Variants in KAZN observed in about 807,000 individuals in gnomAD.
The protein encoded by KAZN is kazrin, periplakin interacting protein.
KAZN carries 40 observed loss-of-function variants against 87.4 expected under a neutral mutation model. That is an observed-to-expected ratio of 0.46 (90% CI 0.36 to 0.60). KAZN has a LOEUF of 0.60. Ranked by LOEUF, KAZN falls within the 20% of genes least tolerant of loss-of-function variation. The pLI, the probability that KAZN is intolerant of heterozygous loss-of-function variation, is 0.00. For synonymous variants in KAZN, 466 were observed against 458.3 expected (o/e 1.02, Z -0.22); for missense variants, 898 against 1,073.9 (o/e 0.84, Z 2.29).
chr1:14,131,419 G>A (rs560651292), intron 1 of KAZN, among the ~76,000 whole-genome samples: 1 of 152,282 alleles, frequency 6.6e-6, no homozygotes, highest in African/African-American at 2.4e-5. Context: ...ATACGTTAGA[G>A]TTGAAATGGA....
At chr1:14,351,292 A>C (rs1658533495) in intron 2 of KAZN, among the ~76,000 whole-genome samples, 1 of 152,218 alleles carries the variant, frequency 6.6e-6, no homozygotes, top group Non-Finnish European at 1.5e-5. Flanking sequence ...CAGGCCAGGC[A>C]CTGTGGCTCA....
chr1:14,359,021 G>T (rs962717407), intron 2 of KAZN, among the ~76,000 whole-genome samples: 2 of 152,132 alleles, frequency 1.3e-5, no homozygotes, highest in African/African-American at 4.8e-5. Flanking sequence ...TGACAGTGGG[G>T]TGTTAAAGTC....
At chr1:15,072,537 G>A (rs1292994503) in intron 8 of KAZN, among the ~76,000 whole-genome samples, 1 of 152,226 alleles carries the variant, frequency 6.6e-6, no homozygotes, top group Non-Finnish European at 1.5e-5. Context: ...AGAACCCAGG[G>A]CCAGCCTGGT....
At chr1:14,702,637 T>G (rs1181112833) in intron 1 of KAZN, among the ~76,000 whole-genome samples, 1 of 152,060 alleles carries the variant, frequency 6.6e-6, no homozygotes, top group Non-Finnish European at 1.5e-5. Context: ...GTATCGTGTA[T>G]CGATAGATTA....
At chr1:15,064,809 G>T (rs904331489) in intron 7 of KAZN, among the ~76,000 whole-genome samples, 1 of 152,210 alleles carries the variant, frequency 6.6e-6, no homozygotes, top group Non-Finnish European at 1.5e-5. Context: ...GGCAGACAGG[G>T]CCTGTGGCCA....
chr1:14,929,189 G>A (rs1659516630), intron 1 of KAZN, among the ~76,000 whole-genome samples: 1 of 152,168 alleles, frequency 6.6e-6, no homozygotes, highest in Non-Finnish European at 1.5e-5. Context: ...AAGGAAGGAG[G>A]GGGAATTCCT....
In KAZN at chr1:14,512,768, T is replaced by C. The variant is rs151247759; in HGVS notation, c.250-86215T>C. Among the ~76,000 whole-genome samples the C allele has an allele frequency of 2.9e-3, 440 of 152,298 alleles. 5 individuals are homozygous for C. The South Asian group carries it at 0.038, about 13-fold the overall frequency. The stretch of plus-strand genomic sequence containing the variant: ...TTTATGAGCGAAATTAAGATGGAGA[T>C]AAAGTCAAAGAGCAGATTTTCTCAT... On this transcript the variant is annotated intron_variant, in intron 2 of 16. Transcript: ENST00000636203.
chr1:14,949,196 TTGTC>T lies in KAZN; in HGVS notation c.227-11484_227-11481del, dbSNP rs1157196637. Among the ~76,000 whole-genome samples the T allele has an allele frequency of 7.2e-6, 1 of 138,732 alleles. No homozygotes were observed. Among genetic ancestry groups the T allele is most frequent in the African/African-American group, 2.8e-5 (1 of 36,114 alleles). The allele number at this position is 138,732 out of a possible 152,430, so 91.0% of individuals were successfully genotyped here. ...AATAATAATAATAATAATAAGTAAT[TTGTC>T]TGTGGTTTTACATTAAGCAACTGAA... On this transcript the variant is annotated intron_variant, in intron 1 of 14. Coordinates refer to ENST00000376030, the MANE Select transcript of KAZN (RefSeq NM_201628.3). The surrounding 1 kb of genome is among the most constrained non-coding windows in gnomAD (Gnocchi z 4.3).
chr1:14,466,838 G>A (rs192906484), intron 2 of KAZN, among the ~76,000 whole-genome samples: 40 of 152,194 alleles, frequency 2.6e-4, no homozygotes, highest in East Asian at 7.7e-4. Context: ...TTGTGGTGGC[G>A]GGCGCCTGTG....
chr1:14,636,808 T>C (rs1265954193), intron 1 of KAZN, among the ~76,000 whole-genome samples: 1 of 152,188 alleles, frequency 6.6e-6, no homozygotes. Context: ...TGAATGAAGC[T>C]AATTTGTGAG....
chr1:14,026,448 C>T (rs2101294806), intron 1 of KAZN, among the ~76,000 whole-genome samples: 1 of 152,322 alleles, frequency 6.6e-6, no homozygotes, highest in East Asian at 1.9e-4. Context: ...CATGCATGAA[C>T]AGCTAACTTA....
intron 2 of KAZN, among the ~76,000 whole-genome samples, chr1:14,993,617 C>T (rs1336154427): frequency 6.6e-6 from 1 of 152,212 alleles, no homozygotes; most frequent in Non-Finnish European, 1.5e-5. Context: ...CCGCCGCCAC[C>T]CCCCTGCTGC....
intron 1 of KAZN, among the ~76,000 whole-genome samples, chr1:14,937,252 G>C (rs1023929441): frequency 1.8e-4 from 28 of 152,246 alleles, no homozygotes; most frequent in African/African-American, 6.8e-4. Flanking sequence ...GACCAGAGGA[G>C]AGCCTTCATC....
intron 2 of KAZN, among the ~76,000 whole-genome samples, chr1:14,327,865 T>C (rs1656553231): frequency 6.6e-6 from 1 of 152,206 alleles, no homozygotes; most frequent in Non-Finnish European, 1.5e-5. Context: ...TAATTCTGCC[T>C]ACATGAGAAT....
At chr1:14,622,204 G>C (rs559228550) in intron 1 of KAZN, among the ~76,000 whole-genome samples, 1 of 152,140 alleles carries the variant, frequency 6.6e-6, no homozygotes, top group Non-Finnish European at 1.5e-5. Context: ...AATGTTGACC[G>C]ATCCAAAGTC....
chr1:14,026,124 A>G (rs1462706738), intron 1 of KAZN, among the ~76,000 whole-genome samples: 1 of 152,194 alleles, frequency 6.6e-6, no homozygotes, highest in African/African-American at 2.4e-5. Context: ...TTAGAGATGA[A>G]GAATGATAAT....
intron 1 of KAZN, among the ~76,000 whole-genome samples, chr1:13,916,087 C>T (rs1034650579): frequency 7.2e-5 from 11 of 152,106 alleles, no homozygotes; most frequent in African/African-American, 2.4e-4. Flanking sequence ...ATGATCAGCC[C>T]CAGATGCCTT....
At chr1:14,047,737 A>G (rs1642137759) in intron 1 of KAZN, among the ~76,000 whole-genome samples, 1 of 152,060 alleles carries the variant, frequency 6.6e-6, no homozygotes, top group African/African-American at 2.4e-5. Context: ...GTGTGGTGGC[A>G]CACACCTGTA....
At chr1:14,724,275 A>G (rs1277090787) in intron 1 of KAZN, among the ~76,000 whole-genome samples, 2 of 152,218 alleles carry the variant, frequency 1.3e-5, no homozygotes, top group African/African-American at 4.8e-5. Flanking sequence ...CTGGCAGTGA[A>G]TCTGCCACAA....
Sources: gnomAD v4.1 joint callset for allele counts (sites outside exome capture counted in the v4.1 genomes callset) on GRCh38, gnomAD v4.1.1 for gene constraint, Gnocchi (gnomAD v3.1) non-coding constraint, MANE v1.5 for transcripts, NCBI Gene and HGNC (gene_info 2026-07-23, HGNC 2026-07-21) for gene names.